Variants in RMDN2 observed in about 807,000 individuals in gnomAD.
RMDN2 encodes regulator of microtubule dynamics protein 2.
Under a neutral mutation model 52.8 loss-of-function variants are expected in RMDN2, and 61 were observed. That is an observed-to-expected ratio of 1.16 (90% CI 0.94 to 1.43). The LOEUF (loss-of-function observed/expected upper bound fraction) is 1.43, where lower values mean the gene tolerates loss of function less well. RMDN2 is among the 40% of genes most tolerant of loss of function. The probability of loss-of-function intolerance (pLI) is 0.00; values close to 1 mark genes in which losing one functional copy is unlikely to be tolerated. For synonymous variants in RMDN2, 180 were observed against 153.1 expected (o/e 1.18, Z -1.30); for missense variants, 592 against 475.3 (o/e 1.25, Z -2.28).
chr2:38,022,359 A>G (rs1679449701), downstream of RMDN2, among the ~76,000 whole-genome samples: 1 of 152,200 alleles, frequency 6.6e-6, no homozygotes, highest in Non-Finnish European at 1.5e-5. Context: ...TGGTTACTTC[A>G]CTCACCACTC....
At chr2:37,956,512 T>C (rs1669481516) in intron 2 of RMDN2, among the ~76,000 whole-genome samples, 2 of 152,092 alleles carry the variant, frequency 1.3e-5, no homozygotes, top group African/African-American at 4.8e-5. Flanking sequence ...TCCTCTATTG[T>C]TTTTCTATTC....
At chr2:38,051,126 A>G (rs1357397377) in intron 10 of RMDN2, among the ~76,000 whole-genome samples, 1 of 152,214 alleles carries the variant, frequency 6.6e-6, no homozygotes, top group African/African-American at 2.4e-5. Context: ...ACAAGGATTA[A>G]GCTAGACTTG....
At chr2:37,981,163 C>T (rs2125099627) in intron 4 of RMDN2, 120 bp from the exon 5 acceptor site, 5 of 717,524 alleles carry the variant, frequency 7.0e-6, no homozygotes, top group Non-Finnish European at 1.0e-5. Flanking sequence ...AACAAAGTTG[C>T]CATGTGATGC....
chr2:37,977,636 C>T (rs1172486755), intron 4 of RMDN2, among the ~76,000 whole-genome samples: 12 of 152,038 alleles, frequency 7.9e-5, no homozygotes, highest in African/African-American at 2.9e-4. Flanking sequence ...TCCTCACCTC[C>T]CAGACGGGGT....
chr2:37,963,333 T>TC (rs1458337746), intron 2 of RMDN2: 1 of 144,250 alleles, frequency 6.9e-6, no homozygotes, highest in Non-Finnish European at 1.5e-5. Context: ...TTTTTTTTTT[T>TC]TTAATTGATC....
At chr2:38,009,780 G>A (rs1677680538) in intron 10 of RMDN2, among the ~76,000 whole-genome samples, 1 of 152,166 alleles carries the variant, frequency 6.6e-6, no homozygotes, top group South Asian at 2.1e-4. Context: ...GAGGAGGAGA[G>A]GCGCTCTGAT....
intron 10 of RMDN2, among the ~76,000 whole-genome samples, chr2:38,056,191 C>T (rs1236971554): frequency 6.6e-5 from 10 of 152,166 alleles, no homozygotes; most frequent in East Asian, 1.9e-4. Flanking sequence ...TCACGGAGGG[C>T]GTTGTCCAGG....
At chr2:38,027,422 T>C (rs1202736656) in intron 10 of RMDN2, 1 of 152,218 alleles carries the variant, frequency 6.6e-6, no homozygotes, top group Non-Finnish European at 1.5e-5. Context: ...TGTAACTTTG[T>C]AGCATTGTAA....
At chr2:38,053,636 T>A (rs1681724729) in intron 10 of RMDN2, among the ~76,000 whole-genome samples, 1 of 152,240 alleles carries the variant, frequency 6.6e-6, no homozygotes, top group African/African-American at 2.4e-5. Context: ...TGTAATAAAA[T>A]GCATTTTAAA....
intron 2 of RMDN2, among the ~76,000 whole-genome samples, chr2:37,944,497 G>A (rs1239125153): frequency 6.6e-6 from 1 of 152,200 alleles, no homozygotes; most frequent in Non-Finnish European, 1.5e-5. Flanking sequence ...CCCACAGGGT[G>A]TAGTTTGCCA....
At chr2:37,965,123 C>A (rs1424828852) in intron 2 of RMDN2, among the ~76,000 whole-genome samples, 2 of 152,004 alleles carry the variant, frequency 1.3e-5, no homozygotes, top group East Asian at 1.9e-4. Flanking sequence ...GTTTTTAGAT[C>A]AAAAATTAGT....
chr2:37,990,376 A>C (rs1674615942), intron 6 of RMDN2, among the ~76,000 whole-genome samples: 1 of 149,978 alleles, frequency 6.7e-6, no homozygotes, highest in South Asian at 2.1e-4. Flanking sequence ...AAAATTAGCC[A>C]GGCATGGTGG....
At chr2:37,924,328 G>A (rs1666120593), upstream of RMDN2, among the ~76,000 whole-genome samples, 1 of 152,206 alleles carries the variant, frequency 6.6e-6, no homozygotes, top group Non-Finnish European at 1.5e-5. Context: ...CTAAGCTTGA[G>A]GCAGTAATAC....
intron 10 of RMDN2, among the ~76,000 whole-genome samples, chr2:38,040,045 C>CATTCATTATTATT (rs1553388014): frequency 7.1e-6 from 1 of 141,686 alleles, no homozygotes; most frequent in Non-Finnish European, 1.5e-5. Flanking sequence ...TGTCTAGATT[C>CATTCATTATTATT]ATTATTATTA....
intron 8 of RMDN2, 109 bp downstream of exon 8, chr2:37,997,623 T>A (rs1312916694): frequency 6.6e-6 from 5 of 756,364 alleles, no homozygotes; most frequent in Non-Finnish European, 1.1e-5. Flanking sequence ...TCAGTTTGAA[T>A]CCTGGTTTTG....
rs912281300 is a variant in RMDN2, at chr2:37,982,232, G to A, written c.791+889G>A. Among the ~76,000 whole-genome samples the A allele has an allele frequency of 1.4e-4, 21 of 152,238 alleles. 1 individual carries two copies. In the South Asian group the frequency reaches 4.1e-3, roughly 30 times the overall value. The stretch of plus-strand genomic sequence containing the variant: ...ACTCATTTTTGCCCCACCAAAATCT[G>A]AAGTACAAACCATTTCCTCAAAGGA... On this transcript the variant is annotated intron_variant, in intron 5 of 10. Transcript: ENST00000354545.
chr2:38,025,226 G>A (rs186458744), intron 10 of RMDN2, among the ~76,000 whole-genome samples: 132 of 151,952 alleles, frequency 8.7e-4, no homozygotes, highest in Admixed American at 2.7e-3. Flanking sequence ...TCACATTTTT[G>A]TCAAACTTAT....
chr2:38,064,251 G>C (rs1222513820), intron 10 of RMDN2, among the ~76,000 whole-genome samples: 1 of 152,170 alleles, frequency 6.6e-6, no homozygotes, highest in African/African-American at 2.4e-5. Flanking sequence ...TGTAATCCCA[G>C]TACTTTGGGA....
chr2:37,948,058 C>T (rs761465022), intron 2 of RMDN2, among the ~76,000 whole-genome samples: 4 of 152,094 alleles, frequency 2.6e-5, no homozygotes, highest in Admixed American at 6.5e-5. Flanking sequence ...CTCTGGGGGT[C>T]GTCATGACCC....
Sources: allele counts gnomAD v4.1 joint callset (sites outside exome capture counted in the v4.1 genomes callset), GRCh38; gene constraint gnomAD v4.1.1; transcripts MANE v1.5; gene names NCBI Gene and HGNC (gene_info 2026-07-23, HGNC 2026-07-21).